Variants in RCC1L observed in about 807,000 individuals in gnomAD.
RCC1L encodes the protein RCC1-like G exchanging factor-like protein.
Under a neutral mutation model 58.6 loss-of-function variants are expected in RCC1L, and 46 were observed. That is an observed-to-expected ratio of 0.79 (90% confidence interval 0.62 to 1.00). The LOEUF (loss-of-function observed/expected upper bound fraction) is 1.00. Among genes scored for constraint, RCC1L ranks in the 50% least tolerant of loss-of-function variants. The pLI, the probability that RCC1L is intolerant of heterozygous loss-of-function variation, is 0.00. For synonymous variants in RCC1L, 281 were observed against 262.9 expected, an observed-to-expected ratio of 1.07 and a Z score of -0.67; for missense variants, 636 against 623.6, an observed-to-expected ratio of 1.02 and a Z score of -0.21.
chr7:75,063,160 G>T, intron 5 of RCC1L, 132 bp downstream of exon 5: 1 of 1,009,302 alleles, frequency 9.9e-7, no homozygotes, highest in Non-Finnish European at 1.6e-6. Flanking sequence ...ATAGTAAGTA[G>T]GCTACAATTT....
chr7:75,064,440 C>T, intron 4 of RCC1L, 142 bp downstream of exon 4: 1 of 851,400 alleles, frequency 1.2e-6, no homozygotes, highest in Admixed American at 1.9e-5. Context: ...ACAGACAGCA[C>T]TCCCCCAGCT....
chr7:75,070,671 C>T lies in RCC1L; in HGVS notation c.423G>A (p.Gln141=). ...CTTTCCGGCTCCTGTGAAATCCAAG[C>T]TGAGAATCTTTGTTGAGTCCCATCC... ...VWGMGLNKDS[Q]LGFHRSRKDK... is the part of the protein sequence containing the mutation. The change falls in exon 2 of 11, where the codon CAG becomes CAA. Residue 141 remains glutamine (Q), a synonymous_variant. Coordinates refer to ENST00000610322, the MANE Select transcript of RCC1L (RefSeq NM_030798.5). The T allele has an allele frequency of 6.2e-7, 1 of 1,614,108 alleles. No individual in the cohort carries two copies. Among genetic ancestry groups the T allele is most frequent in the Non-Finnish European group, 8.5e-7 (1 of 1,180,014 alleles).
At chr7:75,030,208 T>C (rs1805262506) in intron 10 of RCC1L, among the ~76,000 whole-genome samples, 1 of 152,200 alleles carries the variant, frequency 6.6e-6, no homozygotes, top group Non-Finnish European at 1.5e-5. Flanking sequence ...GGTGTGTTTA[T>C]GCACACGTTT....
intron 2 of RCC1L, among the ~76,000 whole-genome samples, chr7:75,069,102 C>T (rs1203277889): frequency 6.6e-6 from 1 of 152,018 alleles, no homozygotes; most frequent in South Asian, 2.1e-4. Flanking sequence ...CTTCTGATCT[C>T]GTGATCCACC....
chr7:75,028,204 T>C, intron 10 of RCC1L: 1 of 883,572 alleles, frequency 1.1e-6, no homozygotes, highest in East Asian at 2.8e-5. Context: ...TGCAGCAACC[T>C]CCACTTCCTG....
At chr7:75,039,316 C>T (rs1041956285), downstream of RCC1L, among the ~76,000 whole-genome samples, 2 of 152,358 alleles carry the variant, frequency 1.3e-5, no homozygotes, top group Admixed American at 6.5e-5. Flanking sequence ...CCTGCTGGGC[C>T]GTGCCCGAGC....
At chr7:75,060,745 T>A (rs1292974205) in intron 6 of RCC1L, among the ~76,000 whole-genome samples, 1 of 151,910 alleles carries the variant, frequency 6.6e-6, no homozygotes, top group Non-Finnish European at 1.5e-5. Flanking sequence ...CTCAGTTCAT[T>A]TCTATGGGAG....
At chr7:75,035,893 C>T (rs1805421991) in intron 10 of RCC1L, among the ~76,000 whole-genome samples, 2 of 151,806 alleles carry the variant, frequency 1.3e-5, no homozygotes, top group Non-Finnish European at 2.9e-5. Flanking sequence ...TAATCCCAGC[C>T]ACTTAGGAGG....
chr7:75,038,242 A>T (rs1461770913), downstream of RCC1L, among the ~76,000 whole-genome samples: 1 of 151,868 alleles, frequency 6.6e-6, no homozygotes, highest in East Asian at 1.9e-4. Context: ...CATAGAGAAG[A>T]CCCCAGAACA....
chr7:75,043,054 G>T lies in RCC1L; in HGVS notation c.1373C>A (p.Thr458Asn). 4 of 1,614,046 alleles carry T rather than the reference G, an allele frequency of 2.5e-6. No homozygotes were observed. Among genetic ancestry groups the T allele is most frequent in the Non-Finnish European group, 3.4e-6 (4 of 1,179,862 alleles). ...DVACGVDHMV[T>N]LAKSFI ...GGTTTAGATGAATGACTTGGCCAGG[G>T]TCACCATGTGGTCCACGCCACATGC... Residue 458 changes from threonine to asparagine, a missense_variant, in exon 11 of 11, where the codon ACC becomes AAC. Physicochemically the swap from Thr to Asn is moderately conservative, Grantham distance 65. Coordinates refer to ENST00000610322, the MANE Select transcript of RCC1L (RefSeq NM_030798.5).
At chr7:75,035,227 T>G (rs1384443306) in intron 10 of RCC1L, among the ~76,000 whole-genome samples, 5 of 152,064 alleles carry the variant, frequency 3.3e-5, no homozygotes, top group African/African-American at 1.2e-4. Context: ...GATGGGGTTT[T>G]GCCATATTGG....
rs889434318 is a variant in RCC1L, at chr7:75,066,689, A to T, written c.558T>A (p.Ser186=). Residue 186 remains serine, a synonymous_variant, in exon 3 of 11, where the codon TCT becomes TCA. Transcript: ENST00000610322. ...CTCCTTCCCTGTCAGTCAACACAAG[A>T]GAGTGAGCTCGGCCGCAGGAGACCT... The part of the protein sequence containing the change: ...VLQVSCGRAH[S]LVLTDREGVF... 3.1e-6 allele frequency: 5 copies of T among 1,613,082 alleles called. No individual in the cohort carries two copies. The highest frequency in any genetic ancestry group is 4.2e-6 in the Non-Finnish European group (5 of 1,179,508).
intron 6 of RCC1L, among the ~76,000 whole-genome samples, chr7:75,059,015 T>TAA (rs1197804891): frequency 1.2e-3 from 157 of 133,340 alleles, no homozygotes; most frequent in East Asian, 2.5e-3. Flanking sequence ...TGTCTCTACT[T>TAA]AAAAAAAAAA....
chr7:75,068,211 C>A (rs1001911145), intron 2 of RCC1L, among the ~76,000 whole-genome samples: 6 of 150,380 alleles, frequency 4.0e-5, no homozygotes, highest in Admixed American at 2.0e-4. Context: ...TCCCAGCTAC[C>A]TGGAAAGCTG....
At chr7:75,045,000 C>T (rs1014304218) in intron 10 of RCC1L, among the ~76,000 whole-genome samples, 41 of 152,312 alleles carry the variant, frequency 2.7e-4, no homozygotes, top group Admixed American at 4.6e-4. Flanking sequence ...CCAGCCTGAG[C>T]AACAGAGCAA....
chr7:75,071,640 A>AAAAAC (rs587630523), intron 1 of RCC1L, among the ~76,000 whole-genome samples: 167 of 152,208 alleles, frequency 1.1e-3, no homozygotes, highest in African/African-American at 3.1e-3. Flanking sequence ...ACTCTGTCTC[A>AAAAAC]AAAACAAAAC....
chr7:75,064,756 A>AC (rs1307218275), intron 3 of RCC1L, 108 bp from the exon 4 acceptor site: 19 of 1,221,522 alleles, frequency 1.6e-5, no homozygotes, highest in South Asian at 1.1e-4. Context: ...ACTCACCCCC[A>AC]CCCCCCAACT....
chr7:75,046,960 T>C (rs1805739619), intron 10 of RCC1L, among the ~76,000 whole-genome samples: 1 of 146,358 alleles, frequency 6.8e-6, no homozygotes. Flanking sequence ...AGCTTTTCTA[T>C]TTTTTTTTTT....
intron 5 of RCC1L, among the ~76,000 whole-genome samples, chr7:75,062,537 C>T (rs1365546901): frequency 1.3e-5 from 2 of 152,272 alleles, no homozygotes; most frequent in Non-Finnish European, 1.5e-5. Context: ...ACCAAAAAGC[C>T]AGCCGTATCA....
Sources: gnomAD v4.1 joint callset for allele counts (sites outside exome capture counted in the v4.1 genomes callset) on GRCh38, gnomAD v4.1.1 for gene constraint, MANE v1.5 for transcripts, NCBI Gene and HGNC (gene_info 2026-07-23, HGNC 2026-07-21) for gene names.